The following SIRT3 variants were observed in gnomAD, a reference collection of about 807,000 sequenced individuals.
The protein encoded by SIRT3 is NAD-dependent protein deacetylase sirtuin-3, mitochondrial.
In SIRT3, 26 loss-of-function variants were observed where a neutral mutation model predicts 33.5. The ratio of observed to expected loss-of-function variants is 0.78; its 90% CI spans 0.57 to 1.08. The LOEUF (loss-of-function observed/expected upper bound fraction) is 1.08. Ranked by LOEUF, SIRT3 falls within the 50% of genes least tolerant of loss-of-function variation. The pLI, the probability that SIRT3 is intolerant of heterozygous loss-of-function variation, is 0.00. For missense variants in SIRT3, 585 were observed against 530.1 expected, an observed-to-expected ratio of 1.10 and a Z score of -1.02; for synonymous variants, 237 against 222.1, an observed-to-expected ratio of 1.07 and a Z score of -0.60.
intron 1 of SIRT3, among the ~76,000 whole-genome samples, chr11:234,742 G>A (rs1227044065): frequency 6.6e-6 from 1 of 151,526 alleles, no homozygotes; most frequent in African/African-American, 2.4e-5. Context: ...CAGTTTTGCA[G>A]AGTATCACAG....
upstream of SIRT3, chr11:236,394 C>T: frequency 4.5e-6 from 1 of 223,280 alleles, no homozygotes; most frequent in Non-Finnish European, 6.2e-6. Context: ...CCGCCTCCGC[C>T]TCCCACCCCC....
Position 223,001 on chromosome 11 carries a change from G to GT in SIRT3, c.969+1076dup, listed in dbSNP as rs1481956164. On this transcript the variant is annotated intron_variant, in intron 5 of 6. Coordinates refer to ENST00000382743, the MANE Select transcript of SIRT3 (RefSeq NM_012239.6). The surrounding 1 kb of genome is among the most constrained non-coding windows in gnomAD (Gnocchi z 4.8). ...ACTTCTTACACTGACATCTGACCGT[G>GT]TATGTCCAAAGCACTGGAGCAGGGC... 6.7e-6 allele frequency: 1 copy of GT among 150,144 alleles called. No homozygotes were observed. The highest frequency in any genetic ancestry group is 1.5e-5 in the Non-Finnish European group (1 of 68,156). 9.3% of individuals were successfully genotyped at this position (150,144 alleles called of 1,614,324 possible).
intron 6 of SIRT3, among the ~76,000 whole-genome samples, chr11:217,736 G>C (rs1224862746): frequency 6.6e-6 from 1 of 152,258 alleles, no homozygotes; most frequent in African/African-American, 2.4e-5. Flanking sequence ...CAAGGAAAAA[G>C]GATCAGGATT....
At chr11:231,599 G>A (rs993690366) in intron 3 of SIRT3, among the ~76,000 whole-genome samples, 3 of 152,192 alleles carry the variant, frequency 2.0e-5, no homozygotes, top group African/African-American at 7.2e-5. Context: ...CTGAAAGGCT[G>A]CGGTGGCACA....
At chr11:232,872 A>C in intron 3 of SIRT3, 111 bp downstream of exon 3, 1 of 1,021,340 alleles carries the variant, frequency 9.8e-7, no homozygotes, top group Non-Finnish European at 1.5e-6. Flanking sequence ...CCCCAGAAAC[A>C]GGCACCCGAG....
At chr11:229,000 T>A (rs1222308895) in intron 4 of SIRT3, among the ~76,000 whole-genome samples, 3 of 152,204 alleles carry the variant, frequency 2.0e-5, no homozygotes, top group African/African-American at 7.2e-5. Context: ...AAAATGCCAA[T>A]CAGTGCTACA....
At chr11:231,484 C>T (rs1389142614) in intron 3 of SIRT3, among the ~76,000 whole-genome samples, 1 of 152,116 alleles carries the variant, frequency 6.6e-6, no homozygotes, top group Non-Finnish European at 1.5e-5. Flanking sequence ...TCTACAGATA[C>T]CAAGTTAAAA....
rs753218983 is a variant in SIRT3 at position 218,885 on chromosome 11, G to A, written c.1126C>T (p.Leu376Phe). The A allele has an allele frequency of 6.2e-7, 1 of 1,614,128 alleles. No individual in the cohort carries two copies. Among genetic ancestry groups the A allele is most frequent in the South Asian group, 1.1e-5 (1 of 91,080 alleles). The change falls in exon 6 of 7, where the codon CTT (leucine) becomes TTT (phenylalanine). Residue 376 changes from leucine (L) to phenylalanine (F), a missense_variant. Leu to Phe is a conservative substitution (Grantham distance 22). Transcript: ENST00000382743. The part of the protein sequence containing the change: ...VVHGVESLVE[L>F]LGWTEEMRDL... Reference sequence around the variant, plus strand: ...CGCATCTCTTCTGTCCAGCCCAGAAGCTCCACTAGGCTTTCCACGCCGTGA... The same window carrying A: ...CGCATCTCTTCTGTCCAGCCCAGAAACTCCACTAGGCTTTCCACGCCGTGA...
chr11:220,028 A>G (rs975045192), intron 5 of SIRT3, among the ~76,000 whole-genome samples: 2 of 152,264 alleles, frequency 1.3e-5, no homozygotes, highest in Non-Finnish European at 2.9e-5. Context: ...ATGCTAATTT[A>G]TAATGAAATT....
chr11:231,963 C>A (rs78428614), intron 3 of SIRT3, among the ~76,000 whole-genome samples: 1 of 110,004 alleles, frequency 9.1e-6, no homozygotes, highest in African/African-American at 3.2e-5. Context: ...AGGTGCACGG[C>A]CAGAAGTTGG....
In SIRT3 at chr11:236,163, C is replaced by T. The variant is rs1233695062; in HGVS notation, c.166G>A (p.Ala56Thr). 3.8e-6 allele frequency: 6 copies of T among 1,566,736 alleles called. No homozygotes were observed. The highest frequency in any genetic ancestry group is 2.6e-6 in the Non-Finnish European group (3 of 1,158,010). ...VSAGLRGSHG[A>T]RGEPLDPARP... The stretch of plus-strand genomic sequence containing the variant: ...GCCGGGTCCAAGGGCTCACCGCGGG[C>T]CCCATGGCTGCCTCTCAGCCCCGCA... The change falls in exon 1 of 7, where the codon GCC (alanine) becomes ACC (threonine). Residue 56 changes from alanine (A) to threonine (T), a missense_variant. Coordinates refer to ENST00000382743, the MANE Select transcript of SIRT3 (RefSeq NM_012239.6).
Position 236,263 on chromosome 11 carries a change from G to T in SIRT3, c.66C>A (p.Val22=), listed in dbSNP as rs760323382. 3 of 1,543,584 alleles carry T rather than the reference G, an allele frequency of 1.9e-6. No individual in the cohort carries two copies. The highest frequency in any genetic ancestry group is 1.7e-6 in the Non-Finnish European group (2 of 1,149,828). ...LRLWGRVVER[V]EAGGGVGPFQ... is the part of the protein sequence containing the mutation. ...ACGGCCCCACGCCTCCCCCGGCCTC[G>T]ACCCGTTCAACTACCCGGCCCCACA... Residue 22 remains valine (V), a synonymous_variant, in exon 1 of 7, where the codon GTC becomes GTA. Transcript: ENST00000382743.
Position 233,380 on chromosome 11 carries a change from C to T in SIRT3, c.436G>A (p.Ala146Thr), listed in dbSNP as rs147810576. The change falls in exon 2 of 7, where the codon GCC (alanine) becomes ACC (threonine). Residue 146 changes from alanine (A) to threonine (T), a missense_variant. Transcript: ENST00000382743. ...ATGCCACTGGGTGTGCTGATGCCGG[C>T]CCCCACCATGACCACCACCCTCTGG... ...ACQRVVVMVG[A>T]GISTPSGIPD... is the part of the protein sequence containing the mutation. 2 of 1,613,992 alleles carry T rather than the reference C, an allele frequency of 1.2e-6. No individual in the cohort carries two copies. The highest frequency in any genetic ancestry group is 1.1e-5 in the South Asian group (1 of 91,066).
At chr11:220,344 A>G (rs903760691) in intron 5 of SIRT3, among the ~76,000 whole-genome samples, 1 of 148,410 alleles carries the variant, frequency 6.7e-6, no homozygotes, top group African/African-American at 2.5e-5. Flanking sequence ...AAAAAAAAAA[A>G]AAAAAAGAAA....
intron 4 of SIRT3, among the ~76,000 whole-genome samples, chr11:230,211 C>CAA (rs752924694): frequency 0.26 from 28,984 of 113,326 alleles, 3,880 homozygotes; most frequent in East Asian, 0.54. Context: ...GACTCAATCT[C>CAA]AAAAAAAAAA....
intron 5 of SIRT3, among the ~76,000 whole-genome samples, chr11:219,483 A>G (rs536824566): frequency 6.6e-6 from 1 of 152,288 alleles, no homozygotes; most frequent in East Asian, 1.9e-4. Flanking sequence ...GGGCACCCAG[A>G]CGAGCTGGTG....
Position 233,206 on chromosome 11 carries a change from C to G in SIRT3, c.483G>C (p.Gly161=). 1 of 1,613,252 alleles carries G rather than the reference C, an allele frequency of 6.2e-7. No homozygotes were observed. The change falls in exon 3 of 7, where the codon GGG becomes GGC. Residue 161 remains glycine (G), a synonymous_variant. Coordinates refer to ENST00000382743, the MANE Select transcript of SIRT3 (RefSeq NM_012239.6). ...GCTGGAGGTTGCTGTACAGGCCACTCCCCGGCGATCTGCAGGGAGAGAAGA... is the reference window on the plus strand; with the variant it reads ...GCTGGAGGTTGCTGTACAGGCCACTGCCCGGCGATCTGCAGGGAGAGAAGA... ...PSGIPDFRSP[G]SGLYSNLQQY...
At chr11:235,884 C>A (rs1249006037) in intron 1 of SIRT3, among the ~76,000 whole-genome samples, 164 bp downstream of exon 1, 2 of 152,164 alleles carry the variant, frequency 1.3e-5, no homozygotes, top group Admixed American at 1.3e-4. Context: ...AACGACAAAA[C>A]CCCCATAAGT....
In SIRT3 at chr11:230,565, C is replaced by A; in HGVS notation, c.707-13G>T. On this transcript the variant is annotated splice_polypyrimidine_tract_variant and intron_variant, in intron 3 of 6. Transcript: ENST00000382743. ...GGGATGCCCGACACTGAAATTCAAG[C>A]CAAAGCGAAGTGTTGCTGCCGCCTC... The A allele has an allele frequency of 1.3e-6, 2 of 1,493,268 alleles. No individual in the cohort carries two copies. Among genetic ancestry groups the A allele is most frequent in the South Asian group, 1.4e-5 (1 of 73,140 alleles). 92.5% of individuals were successfully genotyped at this position (1,493,268 alleles called of 1,614,324 possible).
Sources: allele counts gnomAD v4.1 joint callset (sites outside exome capture counted in the v4.1 genomes callset), GRCh38; gene constraint gnomAD v4.1.1; non-coding constraint Gnocchi (gnomAD v3.1); transcripts MANE v1.5; gene names NCBI Gene and HGNC (gene_info 2026-07-23, HGNC 2026-07-21).